The following VPS13C variants were observed in gnomAD, a reference collection of about 807,000 sequenced individuals.
The protein encoded by VPS13C is intermembrane lipid transfer protein VPS13C.
In VPS13C, 358 loss-of-function variants were observed where a neutral mutation model predicts 456.8. That is an observed-to-expected ratio of 0.78 (90% CI 0.72 to 0.86). VPS13C has a LOEUF of 0.86. Among genes scored for constraint, VPS13C ranks in the 40% least tolerant of loss-of-function variants. VPS13C has a pLI of 0.00. For synonymous variants in VPS13C, 1,578 were observed against 1,486.7 expected, an observed-to-expected ratio of 1.06 and a Z score of -1.41; for missense variants, 4,818 against 4,385.4, an observed-to-expected ratio of 1.10 and a Z score of -2.79.
rs748174300 is a variant in VPS13C, at chr15:61,963,804, C to T, written c.3331+31G>A. ...AAAAAGAAGGAAAAGTTTATCTTTT[C>T]GCCAATTTTCAATGCCGTGTGAACT... On this transcript the variant is annotated intron_variant, in intron 32 of 84. Transcript: ENST00000644861. 41 of 1,487,622 alleles carry T rather than the reference C, an allele frequency of 2.8e-5. No individual in the cohort carries two copies. The Admixed American group carries it at 2.9e-4, about 11-fold the overall frequency. The allele number at this position is 1,487,622 out of a possible 1,614,324, so 92.2% of individuals were successfully genotyped here. A position where few individuals can be genotyped will look rare whatever the true frequency, so the allele number is the denominator to read the frequency against.
At chr15:61,991,641 C>T (rs141763224) in intron 17 of VPS13C, 32 bp downstream of exon 17, 2 of 1,599,032 alleles carry the variant, frequency 1.3e-6, no homozygotes, top group Non-Finnish European at 1.7e-6. Context: ...TAACTTAACA[C>T]TGTACAATAA....
Position 61,890,080 on chromosome 15 carries a change from G to GT in VPS13C, c.9341+84dup, listed in dbSNP as rs1190525962. The GT allele has an allele frequency of 4.7e-6, 6 of 1,264,932 alleles. No individual in the cohort carries two copies. In the East Asian group the frequency reaches 1.2e-4, roughly 26 times the overall value. 78.4% of individuals were successfully genotyped at this position (1,264,932 alleles called of 1,614,324 possible). A position where few individuals can be genotyped will look rare whatever the true frequency, so the allele number is the denominator to read the frequency against. ...ATACAGCATACCAAAGTCAAACCAG[G>GT]TATCTTTTTACTTTCTTCAAATCGG... On this transcript the variant is annotated intron_variant, in intron 67 of 84. Transcript: ENST00000644861.
chr15:61,912,041 C>T (rs1447158948), intron 62 of VPS13C, 37 bp from the exon 63 acceptor site: 1 of 1,524,412 alleles, frequency 6.6e-7, no homozygotes, highest in African/African-American at 1.4e-5. Context: ...CCAGTTTATT[C>T]AATGTCTTTG....
In VPS13C at chr15:62,037,272, TAA is replaced by T. The variant is rs1567136574; in HGVS notation, c.188-2222_188-2221del. 1.5e-3 allele frequency among the ~76,000 whole-genome samples: 104 copies of T among 70,144 alleles called. 1 individual carries two copies. The highest frequency in any genetic ancestry group is 5.9e-3 in the African/African-American group (102 of 17,318). 46.0% of individuals were successfully genotyped at this position (70,144 alleles called of 152,430 possible). A position where few individuals can be genotyped will look rare whatever the true frequency, so the allele number is the denominator to read the frequency against. On this transcript the variant is annotated intron_variant, in intron 3 of 84. Coordinates refer to ENST00000644861, the MANE Select transcript of VPS13C (RefSeq NM_020821.3). ...ATATATTTATATATATTATATTATA[TAA>T]TATATTATATATATTATATTATATA...
At chr15:61,856,214 T>C (rs948262935) in intron 83 of VPS13C, 72 bp downstream of exon 83, 9 of 1,554,204 alleles carry the variant, frequency 5.8e-6, no homozygotes, top group Non-Finnish European at 7.0e-6. Context: ...TTCAAATATT[T>C]TGTGTAGTTA....
intron 81 of VPS13C, chr15:61,865,389 T>C (rs1322544328): frequency 5.1e-6 from 5 of 982,904 alleles, no homozygotes; most frequent in Non-Finnish European, 6.0e-6. Flanking sequence ...ATACAAGAAT[T>C]AAAAATGTTA....
intron 27 of VPS13C, among the ~76,000 whole-genome samples, chr15:61,971,750 T>C (rs2045563301): frequency 1.3e-5 from 2 of 152,216 alleles, no homozygotes; most frequent in Non-Finnish European, 2.9e-5. Flanking sequence ...TGGGATTTAA[T>C]GATATTTTGG....
In VPS13C at chr15:61,961,950, T is replaced by G. The variant is rs2045223213; in HGVS notation, c.3604-57A>C. ...AAAGAGAATACAGGCACATCAATAA[T>G]AACACTATCTTCTTTTCATACATGT... On this transcript the variant is annotated intron_variant, in intron 34 of 84. Coordinates refer to ENST00000644861, the MANE Select transcript of VPS13C (RefSeq NM_020821.3). 29 of 1,512,422 alleles carry G rather than the reference T, an allele frequency of 1.9e-5. No homozygotes were observed. In the South Asian group the frequency reaches 3.7e-4, roughly 19 times the overall value. The allele number at this position is 1,512,422 out of a possible 1,614,324, so 93.7% of individuals were successfully genotyped here.
At chr15:62,025,128 TATCTGTTCAAATGAATAAAAAA>T (rs1182261553) in intron 6 of VPS13C, among the ~76,000 whole-genome samples, 1 of 152,132 alleles carries the variant, frequency 6.6e-6, no homozygotes, top group Admixed American at 6.5e-5. Flanking sequence ...ACACAGTACT[TATCTGTTCAAATGAATAAAAAA>T]AATTCAGATC....
chr15:62,003,321 G>C (rs2046705849), intron 15 of VPS13C, among the ~76,000 whole-genome samples: 1 of 150,958 alleles, frequency 6.6e-6, no homozygotes, highest in Admixed American at 6.6e-5. Context: ...CTCTCCGTTT[G>C]TCTATTATTG....
chr15:61,970,179 C>T (rs2045504342), intron 27 of VPS13C, among the ~76,000 whole-genome samples: 1 of 152,112 alleles, frequency 6.6e-6, no homozygotes, highest in South Asian at 2.1e-4. Flanking sequence ...TCAATAGTCC[C>T]AGCTAGCTCC....
chr15:61,904,011 A>G (rs565915224), intron 66 of VPS13C, among the ~76,000 whole-genome samples: 1 of 152,328 alleles, frequency 6.6e-6, no homozygotes, highest in African/African-American at 2.4e-5. Flanking sequence ...TAAATCTAGG[A>G]CCTGATACCT....
intron 3 of VPS13C, among the ~76,000 whole-genome samples, chr15:62,037,928 T>C (rs1427438768): frequency 6.6e-6 from 1 of 152,064 alleles, no homozygotes; most frequent in Non-Finnish European, 1.5e-5. Context: ...AAAGGAAACA[T>C]ATATGTCATA....
At chr15:61,931,024 G>A (rs2044035524) in intron 50 of VPS13C, 66 bp downstream of exon 50, 1 of 1,579,374 alleles carries the variant, frequency 6.3e-7, no homozygotes, top group Non-Finnish European at 8.7e-7. Flanking sequence ...GCCTAGCAAT[G>A]CCTGGCAGCC....
chr15:61,869,034 C>A (rs1894800999), intron 80 of VPS13C, among the ~76,000 whole-genome samples: 1 of 151,862 alleles, frequency 6.6e-6, no homozygotes, highest in South Asian at 2.1e-4. Context: ...TAGCACAGGG[C>A]TTGGCACATG....
intron 42 of VPS13C, among the ~76,000 whole-genome samples, chr15:61,948,030 T>C (rs1567036018): frequency 6.6e-6 from 1 of 152,148 alleles, no homozygotes; most frequent in East Asian, 1.9e-4. Context: ...AATAGAGCCT[T>C]CTGATTGAAA....
At chr15:61,885,955 G>C (rs1036332506) in intron 67 of VPS13C, among the ~76,000 whole-genome samples, 2 of 152,086 alleles carry the variant, frequency 1.3e-5, no homozygotes, top group African/African-American at 4.8e-5. Flanking sequence ...AGAGCCAAAG[G>C]AAACCACTCA....
intron 39 of VPS13C, among the ~76,000 whole-genome samples, chr15:61,951,522 T>A (rs1056573309): frequency 6.6e-6 from 1 of 152,170 alleles, no homozygotes; most frequent in Non-Finnish European, 1.5e-5. Context: ...TTTTCCTCTA[T>A]ATACTTTTGT....
At chr15:61,958,071 C>T (rs2045069025) in intron 37 of VPS13C, among the ~76,000 whole-genome samples, 1 of 151,784 alleles carries the variant, frequency 6.6e-6, no homozygotes. Flanking sequence ...TATAGACATA[C>T]ACATATATTA....
Sources: allele counts gnomAD v4.1 joint callset (sites outside exome capture counted in the v4.1 genomes callset), GRCh38; gene constraint gnomAD v4.1.1; transcripts MANE v1.5; gene names NCBI Gene and HGNC (gene_info 2026-07-23, HGNC 2026-07-21).